Variants in DHX8 observed in about 807,000 individuals in gnomAD.
DHX8 encodes DEAH-box helicase 8.
DHX8 carries 67 observed loss-of-function variants against 140.7 expected under a neutral mutation model. That is an observed-to-expected ratio of 0.48 (90% CI 0.39 to 0.58). The LOEUF (loss-of-function observed/expected upper bound fraction) is 0.58. Ranked by LOEUF, DHX8 falls within the 20% of genes least tolerant of loss-of-function variation. DHX8 has a pLI of 0.00. For missense variants in DHX8, 887 were observed against 1,550.7 expected, an observed-to-expected ratio of 0.57 and a Z score of 7.19; for synonymous variants, 533 against 553.2, an observed-to-expected ratio of 0.96 and a Z score of 0.51.
chr17:43,525,945 AG>A (rs1970599378), downstream of DHX8: 11 of 985,452 alleles, frequency 1.1e-5, no homozygotes, highest in Non-Finnish European at 1.2e-5. Context: ...AAGAGACAGC[AG>A]GGTTCGTTAT....
At position 43,507,664 on chromosome 17, in the gene DHX8, T is replaced by C. The variant is rs370957242; in HGVS notation, c.2085T>C (p.Asp695=). 61 of 1,614,078 alleles carry C rather than the reference T, an allele frequency of 3.8e-5. No individual in the cohort carries two copies. The highest frequency in any genetic ancestry group is 4.8e-5 in the Non-Finnish European group (57 of 1,180,044). The change falls in exon 14 of 23, where the codon GAT becomes GAC. Residue 695 remains aspartate (D), a synonymous_variant. Coordinates refer to ENST00000262415, the MANE Select transcript of DHX8 (RefSeq NM_004941.3). ...CACATGAGAGGACAATTCACACTGA[T>C]GTGCTCTTTGGATTGTTGAAAAAGG... ...DEAHERTIHT[D]VLFGLLKKTV...
chr17:43,529,766 C>G (rs370999511), downstream of DHX8: 37 of 1,593,006 alleles, frequency 2.3e-5, no homozygotes, highest in Middle Eastern at 1.0e-3. Flanking sequence ...TCGAAGGGGT[C>G]TCCCCAGGTA....
intron 15 of DHX8, 116 bp downstream of exon 15, chr17:43,508,135 A>G (rs1567688969): frequency 1.7e-6 from 2 of 1,163,460 alleles, no homozygotes; most frequent in East Asian, 2.5e-5. Context: ...CTAAATATTC[A>G]TCTCTCTGCA....
intron 10 of DHX8, 63 bp downstream of exon 10, chr17:43,499,022 G>A (rs1969034683): frequency 3.1e-6 from 4 of 1,284,332 alleles, no homozygotes; most frequent in Non-Finnish European, 4.4e-6. Flanking sequence ...AAAGTAATGG[G>A]TCAGGTTATT....
chr17:43,518,524 A>G (rs1970222354), intron 18 of DHX8: 1 of 152,192 alleles, frequency 6.6e-6, no homozygotes, highest in Admixed American at 6.5e-5. Flanking sequence ...TCCCTCATAG[A>G]TATATAGTAG....
In DHX8 at chr17:43,533,691, C is replaced by T. The variant is rs575368244; in HGVS notation, c.351-2721C>T. On this transcript the variant is annotated intron_variant, in intron 2 of 3. Transcript: ENST00000589898. Reference sequence around the variant, plus strand: ...TCCTGAGGCCCTCTGCTGCGTTTTCCGTCTATTCAGAGGAAATCCTTAGCT... The same window carrying T: ...TCCTGAGGCCCTCTGCTGCGTTTTCTGTCTATTCAGAGGAAATCCTTAGCT... Among the ~76,000 whole-genome samples, 18 of 152,186 alleles carry T rather than the reference C, an allele frequency of 1.2e-4. No homozygotes were observed. In the East Asian group the frequency reaches 3.1e-3, roughly 26 times the overall value.
At chr17:43,504,280 C>T (rs1056227812) in intron 11 of DHX8, among the ~76,000 whole-genome samples, 1 of 151,962 alleles carries the variant, frequency 6.6e-6, no homozygotes, top group Admixed American at 6.6e-5. Flanking sequence ...CTCGCTTGAG[C>T]CCAGAAGGTC....
At position 43,508,444 on chromosome 17, in the gene DHX8, T is replaced by C; in HGVS notation, c.2426T>C (p.Ile809Thr). 1 of 1,613,788 alleles carries C rather than the reference T, an allele frequency of 6.2e-7. No homozygotes were observed. Among genetic ancestry groups the C allele is most frequent in the Non-Finnish European group, 8.5e-7 (1 of 1,179,896 alleles). Reference sequence around the variant, plus strand: ...GGACCTGATGTTCCAGAGTTAATTATCCTCCCAGTGTACTCTGCTCTTCCC... The same window carrying C: ...GGACCTGATGTTCCAGAGTTAATTACCCTCCCAGTGTACTCTGCTCTTCCC... ...SLGPDVPELI[I>T]LPVYSALPSE... The change falls in exon 16 of 23, where the codon ATC becomes ACC. Residue 809 changes from isoleucine to threonine, a missense_variant. Coordinates refer to ENST00000262415, the MANE Select transcript of DHX8 (RefSeq NM_004941.3).
intron 6 of DHX8, 141 bp downstream of exon 6, chr17:43,493,181 T>C: frequency 8.0e-7 from 1 of 1,245,152 alleles, no homozygotes; most frequent in Non-Finnish European, 1.1e-6. Flanking sequence ...AAATTGACTC[T>C]TTTGAAATGT....
chr17:43,493,740 G>A lies in DHX8; in HGVS notation c.1066G>A (p.Gly356Arg), dbSNP rs202226933. ...LNPNRRRNLV[G>R]ETNEETSMRN... ...CCCAAATAGACGGCGAAATCTTGTC[G>A]GGGAGACCAATGAGGAGACCTCAAT... The change falls in exon 8 of 23, where the codon GGG becomes AGG. Residue 356 changes from glycine to arginine, a missense_variant. Transcript: ENST00000262415. The A allele has an allele frequency of 3.5e-5, 57 of 1,614,048 alleles. No individual in the cohort carries two copies. Among genetic ancestry groups the A allele is most frequent in the Admixed American group, 3.3e-5 (2 of 60,002 alleles).
chr17:43,532,648 C>A (rs1196608229), intron 2 of DHX8: 1 of 1,593,774 alleles, frequency 6.3e-7, no homozygotes, highest in Non-Finnish European at 8.6e-7. Flanking sequence ...GATCACATGC[C>A]ACCCTGCCCC....
downstream of DHX8, among the ~76,000 whole-genome samples, chr17:43,531,114 C>A (rs367693848): frequency 9.9e-5 from 15 of 152,212 alleles, no homozygotes; most frequent in African/African-American, 3.4e-4. Context: ...GAGCACCATC[C>A]GGTTCTTAGT....
In DHX8 at chr17:43,499,694, C is replaced by T. The variant is rs778009697; in HGVS notation, c.1399-262C>T. 5.9e-5 allele frequency among the ~76,000 whole-genome samples: 9 copies of T among 152,308 alleles called. No individual in the cohort carries two copies. The highest frequency in any genetic ancestry group is 1.9e-4 in the East Asian group (1 of 5,186). The stretch of plus-strand genomic sequence containing the variant: ...TTATACCTTTCTTATGTCCTTCATA[C>T]GTTTAAAGGTAGCACATCATTCCTA... On this transcript the variant is annotated intron_variant, in intron 10 of 22. Transcript: ENST00000262415.
At position 43,520,263 on chromosome 17, in the gene DHX8, G is replaced by A. The variant is rs1282689877; in HGVS notation, c.2933G>A (p.Arg978His). Residue 978 changes from arginine to histidine, a missense_variant, in exon 19 of 23, where the codon CGC becomes CAC. Around this residue, in one of 9 missense-constraint regions of DHX8, gnomAD observed 151 missense variants for 388.3 expected, o/e 0.39. Transcript: ENST00000262415. ...GAGGGCCTGCTCACTCGCTTGGGCC[G>A]CCGGGTAAGGGACAGACTCAACTTC... is the stretch of plus-strand genomic sequence containing the variant. ...DDEGLLTRLG[R>H]RMAEFPLEPM... The A allele has an allele frequency of 6.8e-6, 11 of 1,613,848 alleles. No homozygotes were observed. Among genetic ancestry groups the A allele is most frequent in the Non-Finnish European group, 7.6e-6 (9 of 1,179,876 alleles).
chr17:43,521,300 CT>C (rs1475009538), intron 20 of DHX8, 68 bp from the exon 21 acceptor site: 4 of 1,358,112 alleles, frequency 2.9e-6, no homozygotes, highest in Non-Finnish European at 4.1e-6. Context: ...GTAGGGCTCC[CT>C]AGAATTGCTC....
intron 3 of DHX8, among the ~76,000 whole-genome samples, chr17:43,538,542 A>G (rs1332639843): frequency 6.6e-6 from 1 of 152,182 alleles, no homozygotes; most frequent in Non-Finnish European, 1.5e-5. Flanking sequence ...ATACAGCAGC[A>G]GCTCATCCAT....
chr17:43,529,905 C>T (rs147888887), downstream of DHX8: 175 of 1,614,170 alleles, frequency 1.1e-4, no homozygotes, highest in African/African-American at 1.9e-4. Context: ...TCAGGGACAA[C>T]GCAGACATCA....
downstream of DHX8, chr17:43,527,797 C>T: frequency 4.5e-6 from 1 of 219,988 alleles, no homozygotes; most frequent in East Asian, 6.6e-5. Flanking sequence ...GCTCTTTCTA[C>T]CCCCAGGTCT....
At chr17:43,486,382 G>T (rs1189853782) in intron 1 of DHX8, among the ~76,000 whole-genome samples, 1 of 152,000 alleles carries the variant, frequency 6.6e-6, no homozygotes, top group Non-Finnish European at 1.5e-5. Context: ...TTTAATTTTT[G>T]GGAGAGTTGA....
Sources: gnomAD v4.1 joint callset for allele counts (sites outside exome capture counted in the v4.1 genomes callset) on GRCh38, gnomAD v4.1.1 for gene constraint, gnomAD v4.1.1 regional missense constraint, MANE v1.5 for transcripts, NCBI Gene and HGNC (gene_info 2026-07-23, HGNC 2026-07-21) for gene names.